The following PDZD2 variants were observed in gnomAD, a reference collection of about 807,000 sequenced individuals.
The protein encoded by PDZD2 is PDZ domain containing 2, also known as PDZ domain-containing protein 2.
Under a neutral mutation model 220.7 loss-of-function variants are expected in PDZD2, and 90 were observed. The ratio of observed to expected loss-of-function variants is 0.41; its 90% CI spans 0.34 to 0.49. PDZD2 has a LOEUF of 0.49. Among genes scored for constraint, PDZD2 ranks in the 20% least tolerant of loss-of-function variants. PDZD2 has a pLI of 0.28. For missense variants in PDZD2, 3,174 were observed against 3,608.5 expected (o/e 0.88, Z 3.08); for synonymous variants, 1,375 against 1,450.5 (o/e 0.95, Z 1.18).
chr5:31,822,918 A>T, intron 2 of PDZD2: 1 of 919,998 alleles, frequency 1.1e-6, no homozygotes, highest in Non-Finnish European at 1.7e-6. Flanking sequence ...CATAACTACA[A>T]ATAGTCTGAA....
At chr5:31,851,642 A>G (rs1004168585) in intron 2 of PDZD2, among the ~76,000 whole-genome samples, 1 of 152,144 alleles carries the variant, frequency 6.6e-6, no homozygotes, top group African/African-American at 2.4e-5. Flanking sequence ...GCATATAGCA[A>G]TTTCAAGTAT....
At chr5:31,908,834 CAG>C in intron 2 of PDZD2, 1 of 567,838 alleles carries the variant, frequency 1.8e-6, no homozygotes, top group South Asian at 1.6e-5. Context: ...CACTTGAGCT[CAG>C]GAGTTTGAGA....
intron 2 of PDZD2, among the ~76,000 whole-genome samples, chr5:31,872,142 G>GGGGTGTGTGTGTGT (rs1554086796): frequency 4.7e-5 from 7 of 147,676 alleles, no homozygotes; most frequent in Non-Finnish European, 6.0e-5. Context: ...TAAGGTGAGT[G>GGGGTGTGTGTGTGT]GTGTGTGTGT....
At chr5:31,913,342 GA>G (rs11422444) in intron 2 of PDZD2, among the ~76,000 whole-genome samples, 10 of 146,248 alleles carry the variant, frequency 6.8e-5, no homozygotes, top group South Asian at 4.4e-4. Context: ...CTTCCTTGGG[GA>G]AAAAAAAAAA....
At chr5:31,801,555 G>T (rs1030511316) in intron 2 of PDZD2, among the ~76,000 whole-genome samples, 1 of 152,092 alleles carries the variant, frequency 6.6e-6, no homozygotes, top group Non-Finnish European at 1.5e-5. Flanking sequence ...GGATAGAGAG[G>T]TAGAAGGAAG....
Position 32,061,043 on chromosome 5 carries a change from G to A in PDZD2, c.2360G>A (p.Arg787His). The stretch of plus-strand genomic sequence containing the variant: ...CTGGAAGTGAACTCCGTCAACGTCC[G>A]CCATGCTGCTTTAAGCAAAGTCCAC... Reference protein sequence around the residue: ...QILEVNSVNVRHAALSKVHAI... With the variant: ...QILEVNSVNVHHAALSKVHAI... The change falls in exon 14 of 25, where the codon CGC becomes CAC. Residue 787 changes from arginine (R) to histidine (H), a missense_variant. Around this residue, in one of 4 missense-constraint regions of PDZD2, gnomAD observed 1,861 missense variants for 2,001.0 expected, o/e 0.93. Transcript: ENST00000438447. 1.2e-6 allele frequency: 2 copies of A among 1,614,070 alleles called. No individual in the cohort carries two copies. The highest frequency in any genetic ancestry group is 1.3e-5 in the African/African-American group (1 of 75,032).
In PDZD2 at chr5:31,699,784, T is replaced by TG. The variant is rs199677813; in HGVS notation, c.-361+60347_-361+60348insG. 2.4e-3 allele frequency among the ~76,000 whole-genome samples: 344 copies of TG among 142,616 alleles called. 2 individuals carry two copies. The highest frequency in any genetic ancestry group is 7.7e-3 in the South Asian group (34 of 4,442). The allele number at this position is 142,616 out of a possible 152,430, so 93.6% of individuals were successfully genotyped here. On this transcript the variant is annotated intron_variant, in intron 1 of 24. Transcript: ENST00000438447. ...GCCTGGCTGTTTTTTTTTGTTTGTT[T>TG]TTTTTTTGTTTTTTTTTTGGTATTT...
At chr5:31,660,109 A>G (rs772644872) in intron 1 of PDZD2, among the ~76,000 whole-genome samples, 2 of 152,182 alleles carry the variant, frequency 1.3e-5, no homozygotes, top group Non-Finnish European at 2.9e-5. Context: ...ACTGCTTTCC[A>G]CTTGGTGTTA....
intron 23 of PDZD2, chr5:32,099,279 T>G (rs1191168115): frequency 1.3e-5 from 2 of 152,358 alleles, no homozygotes; most frequent in Non-Finnish European, 2.9e-5. Context: ...ATCTTGGCAT[T>G]CAGGGGTGAC....
At chr5:31,714,737 T>A (rs1226750084) in intron 1 of PDZD2, among the ~76,000 whole-genome samples, 1 of 152,094 alleles carries the variant, frequency 6.6e-6, no homozygotes, top group African/African-American at 2.4e-5. Context: ...AACAGACACA[T>A]AATTTATGTT....
chr5:31,994,022 T>C (rs1751438003), intron 3 of PDZD2, among the ~76,000 whole-genome samples: 1 of 152,108 alleles, frequency 6.6e-6, no homozygotes, highest in Admixed American at 6.5e-5. Flanking sequence ...TTTTTGTTTT[T>C]TTTGTTTGTT....
rs535918985 is a variant in PDZD2 at position 31,669,229 on chromosome 5, A to G, written c.-361+29792A>G. Among the ~76,000 whole-genome samples, 4 of 152,066 alleles carry G rather than the reference A, an allele frequency of 2.6e-5. No individual in the cohort carries two copies. In the East Asian group the frequency reaches 7.7e-4, roughly 29 times the overall value. On this transcript the variant is annotated intron_variant, in intron 1 of 24. Transcript: ENST00000438447. ...CCAGCCTGGGCAGCATAGCAAGACCACCTCTACAAAAAAATTTTAAAAATT... is the reference window on the plus strand; with the variant it reads ...CCAGCCTGGGCAGCATAGCAAGACCGCCTCTACAAAAAAATTTTAAAAATT...
chr5:32,022,895 G>A (rs180861603), intron 6 of PDZD2, among the ~76,000 whole-genome samples: 26 of 152,250 alleles, frequency 1.7e-4, no homozygotes, highest in Admixed American at 4.6e-4. Flanking sequence ...CTCAAGCAGC[G>A]TGGCAGAGGA....
intron 2 of PDZD2, among the ~76,000 whole-genome samples, chr5:31,891,629 T>G (rs918989627): frequency 9.3e-5 from 13 of 139,990 alleles, no homozygotes; most frequent in African/African-American, 3.3e-4. Flanking sequence ...TTTCCATTTC[T>G]AAGGGCACTG....
chr5:31,678,871 T>C (rs1746545826), intron 1 of PDZD2, among the ~76,000 whole-genome samples: 1 of 152,214 alleles, frequency 6.6e-6, no homozygotes, highest in Non-Finnish European at 1.5e-5. Flanking sequence ...CCTCCCGAAG[T>C]GCTGGGATTA....
In PDZD2 at chr5:31,962,937, C is replaced by A. The variant is rs1479724828; in HGVS notation, c.477-20218C>A. Among the ~76,000 whole-genome samples the A allele has an allele frequency of 2.0e-5, 3 of 152,198 alleles. No individual in the cohort carries two copies. The East Asian group carries it at 5.8e-4, about 29-fold the overall frequency. On this transcript the variant is annotated intron_variant, in intron 2 of 24. Transcript: ENST00000438447. Reference sequence around the variant, plus strand: ...CGGTGTTTGTTTTTCCATGCAGGCCCTGGCTTTGATTTTGCTTTTGGATGC... The same window carrying A: ...CGGTGTTTGTTTTTCCATGCAGGCCATGGCTTTGATTTTGCTTTTGGATGC...
At chr5:31,970,462 C>T (rs1314856759) in intron 2 of PDZD2, among the ~76,000 whole-genome samples, 1 of 151,974 alleles carries the variant, frequency 6.6e-6, no homozygotes, top group African/African-American at 2.4e-5. Flanking sequence ...TCGAGACCAG[C>T]CTGGCCAACG....
intron 1 of PDZD2, among the ~76,000 whole-genome samples, chr5:31,703,147 G>C (rs542235085): frequency 6.6e-6 from 1 of 152,358 alleles, no homozygotes; most frequent in South Asian, 2.1e-4. Context: ...TTTCAGAGAA[G>C]CTTTTGCCTT....
intron 1 of PDZD2, among the ~76,000 whole-genome samples, chr5:31,647,973 G>A (rs927330954): frequency 1.1e-4 from 16 of 152,190 alleles, no homozygotes; most frequent in Non-Finnish European, 1.3e-4. Context: ...AATGTGCTCC[G>A]TGATTGTTCA....
Sources: gnomAD v4.1 joint callset for allele counts (sites outside exome capture counted in the v4.1 genomes callset) on GRCh38, gnomAD v4.1.1 for gene constraint, gnomAD v4.1.1 regional missense constraint, MANE v1.5 for transcripts, NCBI Gene and HGNC (gene_info 2026-07-23, HGNC 2026-07-21) for gene names.